The following EGFLAM variants were observed in gnomAD, a reference collection of about 807,000 sequenced individuals.
EGFLAM encodes the protein EGF like, fibronectin type III and laminin G domains.
EGFLAM carries 79 observed loss-of-function variants against 113.1 expected under a neutral mutation model. The observed-to-expected ratio is 0.70, with a 90% confidence interval of 0.58 to 0.84. EGFLAM has a LOEUF of 0.84. Among genes scored for constraint, EGFLAM ranks in the 40% least tolerant of loss-of-function variants. EGFLAM has a pLI of 0.00. For synonymous variants in EGFLAM, 504 were observed against 487.6 expected (o/e 1.03, Z -0.44); for missense variants, 1,265 against 1,291.6 (o/e 0.98, Z 0.32).
intron 17 of EGFLAM, among the ~76,000 whole-genome samples, chr5:38,439,347 A>C (rs1323170653): frequency 1.3e-5 from 2 of 150,916 alleles, no homozygotes; most frequent in African/African-American, 2.4e-5. Flanking sequence ...TTGGGCCTTC[A>C]TTTTTCAGTT....
intron 6 of EGFLAM, among the ~76,000 whole-genome samples, chr5:38,400,650 T>C (rs976047405): frequency 1.3e-5 from 2 of 152,208 alleles, no homozygotes; most frequent in African/African-American, 4.8e-5. Context: ...TCCATCATGC[T>C]GTGACTGGTT....
intron 3 of EGFLAM, among the ~76,000 whole-genome samples, chr5:38,348,836 GT>G (rs1252712941): frequency 2.0e-5 from 3 of 152,138 alleles, no homozygotes; most frequent in Non-Finnish European, 4.4e-5. Context: ...AGATGGGGCA[GT>G]TCAGGGCCTG....
Position 38,291,964 on chromosome 5 carries a change from C to T in EGFLAM, c.97+33113C>T, listed in dbSNP as rs576106145. Reference sequence around the variant, plus strand: ...TAACAGCACAATCAATGGCCCCAGCCTCGTCCATGGAGTCACTTTCTGGGT... The same window carrying T: ...TAACAGCACAATCAATGGCCCCAGCTTCGTCCATGGAGTCACTTTCTGGGT... On this transcript the variant is annotated intron_variant, in intron 1 of 21. Transcript: ENST00000322350. Among the ~76,000 whole-genome samples, 12 of 152,306 alleles carry T rather than the reference C, an allele frequency of 7.9e-5. No individual in the cohort carries two copies. In the South Asian group the frequency reaches 2.5e-3, roughly 32 times the overall value.
intron 1 of EGFLAM, among the ~76,000 whole-genome samples, chr5:38,326,848 G>C (rs1738898767): frequency 6.7e-6 from 1 of 149,232 alleles, no homozygotes; most frequent in Non-Finnish European, 1.5e-5. Flanking sequence ...ACCCAGGCTG[G>C]CGTTCAATGG....
At chr5:38,443,769 C>CTTTTT (rs11320853) in intron 17 of EGFLAM, among the ~76,000 whole-genome samples, 1 of 133,270 alleles carries the variant, frequency 7.5e-6, no homozygotes, top group Non-Finnish European at 1.6e-5. Context: ...CCCTTCAACT[C>CTTTTT]TTTTTTTTTT....
At chr5:38,389,947 G>A (rs762645130) in intron 6 of EGFLAM, among the ~76,000 whole-genome samples, 10 of 152,010 alleles carry the variant, frequency 6.6e-5, no homozygotes, top group Non-Finnish European at 1.0e-4. Flanking sequence ...TAAAATTTAG[G>A]CTTTGTTACA....
At position 38,367,665 on chromosome 5, in the gene EGFLAM, C is replaced by T. The variant is rs188789669; in HGVS notation, c.546-2631C>T. ...AGATAGCGTTGCTATGGTGATCTGA[C>T]CAACAACTTTGTAGTTAGGATAAAG... On this transcript the variant is annotated intron_variant, in intron 5 of 21. Coordinates refer to ENST00000322350, the MANE Select transcript of EGFLAM (RefSeq NM_152403.4). 1.5e-3 allele frequency among the ~76,000 whole-genome samples: 235 copies of T among 152,220 alleles called. 2 individuals are homozygous for T. Among genetic ancestry groups the T allele is most frequent in the Non-Finnish European group, 1.8e-3 (120 of 68,016 alleles).
chr5:38,368,280 C>T (rs368858683), intron 5 of EGFLAM, among the ~76,000 whole-genome samples: 6 of 152,256 alleles, frequency 3.9e-5, no homozygotes, highest in African/African-American at 1.4e-4. Flanking sequence ...GTTTTCTCTT[C>T]GATGATAAAG....
chr5:38,359,531 C>T (rs1049718337), intron 5 of EGFLAM, among the ~76,000 whole-genome samples: 16 of 152,082 alleles, frequency 1.1e-4, no homozygotes, highest in South Asian at 2.1e-4. Context: ...AAAAATTAGC[C>T]GGGTGTGGTG....
rs2589776 is a variant in EGFLAM, at chr5:38,380,162, G to T, written c.712+9700G>T. Among the ~76,000 whole-genome samples the T allele has an allele frequency of 9.9e-3, 1,504 of 152,268 alleles. 24 individuals are homozygous for T. Among genetic ancestry groups the T allele is most frequent in the African/African-American group, 0.032 (1,317 of 41,542 alleles). The stretch of plus-strand genomic sequence containing the variant: ...AATGTAAAAACCATTGTTACAGCAG[G>T]CTGGATTTGGCCCACGGGCCACAGT... On this transcript the variant is annotated intron_variant, in intron 6 of 21. Transcript: ENST00000322350.
Position 38,409,092 on chromosome 5 carries a change from C to A in EGFLAM, c.1337C>A (p.Ser446Tyr). The change falls in exon 10 of 22, where the codon TCC becomes TAC. Residue 446 changes from serine to tyrosine, a missense_variant. Transcript: ENST00000322350. ...DFMSLAIIRR[S>Y]LQFRFNCGTG... ...ATGTCCCTGGCTATCATCCGACGCT[C>A]CCTGCAGTTCAGGTAATTCCTGCCA... 6.3e-7 allele frequency: 1 copy of A among 1,577,184 alleles called. No individual in the cohort carries two copies. The highest frequency in any genetic ancestry group is 1.2e-5 in the South Asian group (1 of 85,978).
At chr5:38,278,655 A>G (rs1757945073) in intron 1 of EGFLAM, among the ~76,000 whole-genome samples, 1 of 151,996 alleles carries the variant, frequency 6.6e-6, no homozygotes, top group Admixed American at 6.6e-5. Context: ...CACCTGGCTA[A>G]TTTTTGTACT....
chr5:38,286,108 A>G, intron 1 of EGFLAM: 1 of 108,628 alleles, frequency 9.2e-6, no homozygotes, highest in East Asian at 2.5e-4. Context: ...TCAGCATTTC[A>G]AAAAAAAAAA....
chr5:38,278,753 T>C (rs1159491952), intron 1 of EGFLAM, among the ~76,000 whole-genome samples: 1 of 151,944 alleles, frequency 6.6e-6, no homozygotes, highest in Non-Finnish European at 1.5e-5. Flanking sequence ...CCTCCCAAAG[T>C]GCTAGGATTA....
chr5:38,258,956 A>G (rs1486984550), intron 1 of EGFLAM, 105 bp downstream of exon 1: 15 of 1,215,124 alleles, frequency 1.2e-5, no homozygotes, highest in Admixed American at 8.2e-5. Flanking sequence ...TCCCCGACCA[A>G]CGTCTGCTTA....
Position 38,381,379 on chromosome 5 carries a change from CG to C in EGFLAM, c.712+10919del, listed in dbSNP as rs1240659117. Among the ~76,000 whole-genome samples the C allele has an allele frequency of 2.6e-5, 4 of 152,268 alleles. No homozygotes were observed. The East Asian group carries it at 7.7e-4, about 29-fold the overall frequency. On this transcript the variant is annotated intron_variant, in intron 6 of 21. Coordinates refer to ENST00000322350, the MANE Select transcript of EGFLAM (RefSeq NM_152403.4). ...TTAACACAGACACATAGGAGGGACG[CG>C]GTGCATGCTGGCTGAGTTTGATGGA...
intron 12 of EGFLAM, among the ~76,000 whole-genome samples, chr5:38,421,785 C>A (rs1741831496): frequency 6.6e-6 from 1 of 151,830 alleles, no homozygotes; most frequent in South Asian, 2.1e-4. Flanking sequence ...TAATATGAAG[C>A]AAGAGTAGGA....
In EGFLAM at chr5:38,406,798, T is replaced by C. The variant is rs762615991; in HGVS notation, c.829-30T>C. On this transcript the variant is annotated intron_variant, in intron 7 of 21. Transcript: ENST00000322350. ...GTCCAATTGCCATGCTCTGTGTTCA[T>C]CTTGAACCCCTTTCCTTCTCTGGCT... The C allele has an allele frequency of 8.1e-6, 13 of 1,598,084 alleles. No individual in the cohort carries two copies. The Admixed American group carries it at 2.2e-4, about 27-fold the overall frequency.
In EGFLAM at chr5:38,435,243, G is replaced by A; in HGVS notation, c.2273G>A (p.Ser758Asn). ...GGTGTCCTGAAGCCTTTCAGCGGGA[G>A]CATCCAGAAGGTACAGGCATCTCTT... is the stretch of plus-strand genomic sequence containing the variant. Reference protein sequence around the residue: ...NSGVLKPFSGSIQKIILNDRT... With the variant: ...NSGVLKPFSGNIQKIILNDRT... The change falls in exon 16 of 22, where the codon AGC becomes AAC. Residue 758 changes from serine to asparagine, a missense_variant. Physicochemically the swap from Ser to Asn is conservative, Grantham distance 46. Transcript: ENST00000322350. The A allele has an allele frequency of 1.2e-6, 2 of 1,613,660 alleles. No homozygotes were observed. The highest frequency in any genetic ancestry group is 1.7e-6 in the Non-Finnish European group (2 of 1,179,600).
Sources: gnomAD v4.1 joint callset for allele counts (sites outside exome capture counted in the v4.1 genomes callset) on GRCh38, gnomAD v4.1.1 for gene constraint, MANE v1.5 for transcripts, NCBI Gene and HGNC (gene_info 2026-07-23, HGNC 2026-07-21) for gene names.